The following TRPC5 variants were observed in gnomAD, a reference collection of about 807,000 sequenced individuals.
The protein encoded by TRPC5 is transient receptor potential cation channel subfamily C member 5, also known as short transient receptor potential channel 5.
A neutral mutation model predicts 56.5 loss-of-function variants in TRPC5; 9 were observed. The ratio of observed to expected loss-of-function variants is 0.16; its 90% CI spans 0.10 to 0.28. The LOEUF is 0.28. TRPC5 is among the 10% of genes least tolerant of loss of function. TRPC5 has a pLI of 1.00. For missense variants in TRPC5, 469 were observed against 748.9 expected (o/e 0.63, Z 4.36); for synonymous variants, 282 against 278.5 (o/e 1.01, Z -0.13).
chrX:111,874,917 T>C (rs1250402853), intron 3 of TRPC5, among the ~76,000 whole-genome samples: 1 of 112,584 alleles, frequency 8.9e-6, no homozygotes, highest in Non-Finnish European at 1.9e-5. Flanking sequence ...CTATGGGCCC[T>C]CTATAGAAAG....
At chrX:112,062,373 C>A (rs1930479266) in intron 1 of TRPC5, among the ~76,000 whole-genome samples, 1 of 111,245 alleles carries the variant, frequency 9.0e-6, no homozygotes, top group Non-Finnish European at 1.9e-5. Context: ...AAAAAAATGG[C>A]TAATAATTAT....
At position 111,975,986 on chromosome X, in the gene TRPC5, A is replaced by G. The variant is rs1421589284; in HGVS notation, c.-21-23545T>C. ...GATGAAGTAGAATTTATCCCTAAGA[A>G]AGGAGAATACAACATATACATATGA... On this transcript the variant is annotated intron_variant, in intron 1 of 10. Coordinates refer to ENST00000262839, the MANE Select transcript of TRPC5 (RefSeq NM_012471.3). Among the ~76,000 whole-genome samples the G allele has an allele frequency of 2.7e-5, 3 of 112,776 alleles. No individual in the cohort carries two copies. In the East Asian group the frequency reaches 8.3e-4, roughly 31 times the overall value.
chrX:111,953,477 C>G (rs1470920380), intron 1 of TRPC5, among the ~76,000 whole-genome samples: 1 of 111,748 alleles, frequency 8.9e-6, no homozygotes, highest in African/African-American at 3.3e-5. Flanking sequence ...AAAATTTATA[C>G]ACATTCCTCA....
chrX:112,073,636 G>T, intron 1 of TRPC5, among the ~76,000 whole-genome samples: 1 of 111,261 alleles, frequency 9.0e-6, no homozygotes. Flanking sequence ...TTTCTCTTGA[G>T]CTCCAGTGTC....
chrX:111,955,019 T>C (rs1178967274), intron 1 of TRPC5, among the ~76,000 whole-genome samples: 1 of 112,181 alleles, frequency 8.9e-6, no homozygotes, highest in Non-Finnish European at 1.9e-5. Flanking sequence ...AGCAGTACCA[T>C]TCATTGAACT....
chrX:111,921,644 G>A (rs181768694), intron 2 of TRPC5, among the ~76,000 whole-genome samples: 1 of 111,090 alleles, frequency 9.0e-6, no homozygotes, highest in East Asian at 2.8e-4. Context: ...GTGAGGAAGA[G>A]GGAAGGAAAT....
At chrX:112,010,317 A>C (rs751110143) in intron 1 of TRPC5, among the ~76,000 whole-genome samples, 8 of 112,251 alleles carry the variant, frequency 7.1e-5, no homozygotes, top group African/African-American at 2.3e-4. Context: ...GACCTTGGGC[A>C]AGTTACTTCA....
At chrX:111,954,923 C>T (rs925066465) in intron 1 of TRPC5, among the ~76,000 whole-genome samples, 8 of 112,018 alleles carry the variant, frequency 7.1e-5, no homozygotes, top group Admixed American at 2.9e-4. Context: ...GTTTTGAATA[C>T]TTAATGTGGC....
chrX:111,920,814 T>C (rs1356985111), intron 2 of TRPC5, among the ~76,000 whole-genome samples: 1 of 111,836 alleles, frequency 8.9e-6, no homozygotes, highest in Non-Finnish European at 1.9e-5. Flanking sequence ...GCTTGATTCC[T>C]ACTCCACTTT....
intron 1 of TRPC5, among the ~76,000 whole-genome samples, chrX:111,978,341 A>T (rs1927985054): frequency 9.0e-6 from 1 of 111,661 alleles, no homozygotes; most frequent in African/African-American, 3.2e-5. Flanking sequence ...ACAGAAATTG[A>T]AATACTACAT....
intron 3 of TRPC5, chrX:111,902,960 G>C (rs1413545280): frequency 8.9e-6 from 1 of 111,740 alleles, no homozygotes; most frequent in Non-Finnish European, 1.9e-5. Flanking sequence ...AGCCCTACAA[G>C]GACTATTCAC....
rs1467346328 is a variant in TRPC5, at chrX:111,944,299, T to TGAAAGA, written c.378+7743_378+7744insTCTTTC. 5.4e-4 allele frequency among the ~76,000 whole-genome samples: 48 copies of TGAAAGA among 89,077 alleles called. 1 individual carries two copies. Among genetic ancestry groups the TGAAAGA allele is most frequent in the African/African-American group, 2.1e-3 (42 of 19,823 alleles). 77.4% of individuals were successfully genotyped at this position (89,077 alleles called of 115,157 possible). ...GTGTGTGTGTGTGTGTGTGTGTGTG[T>TGAAAGA]GTGTGAGAGAGAGAGAGAGAGAGAG... On this transcript the variant is annotated intron_variant, in intron 2 of 10. Coordinates refer to ENST00000262839, the MANE Select transcript of TRPC5 (RefSeq NM_012471.3).
At chrX:112,042,044 C>G (rs1365058768) in intron 1 of TRPC5, among the ~76,000 whole-genome samples, 1 of 111,972 alleles carries the variant, frequency 8.9e-6, no homozygotes, top group Non-Finnish European at 1.9e-5. Flanking sequence ...GCTTAATTTG[C>G]ATGTCTCAAT....
chrX:112,049,793 G>A (rs35340782), intron 1 of TRPC5, among the ~76,000 whole-genome samples: 1,269 of 111,664 alleles, frequency 0.011, 9 homozygotes, highest in Middle Eastern at 0.018. Flanking sequence ...AGGGTGGTGG[G>A]AGGATTCTAC....
intron 1 of TRPC5, among the ~76,000 whole-genome samples, chrX:111,964,834 T>C (rs1468260527): frequency 9.0e-6 from 1 of 111,060 alleles, no homozygotes; most frequent in Non-Finnish European, 1.9e-5. Context: ...GCACTAAACA[T>C]GGAAAGGAAC....
chrX:111,932,804 T>C (rs758329682), intron 2 of TRPC5, among the ~76,000 whole-genome samples: 4 of 112,038 alleles, frequency 3.6e-5, no homozygotes, highest in Non-Finnish European at 7.5e-5. Context: ...CCTAGCCCAG[T>C]GTCCTGGATC....
chrX:111,804,646 C>A (rs1236115165), intron 7 of TRPC5, among the ~76,000 whole-genome samples: 7 of 111,225 alleles, frequency 6.3e-5, no homozygotes, highest in Non-Finnish European at 5.6e-5. Context: ...TGATTTGGCT[C>A]TCTGTTTGTC....
intron 1 of TRPC5, among the ~76,000 whole-genome samples, chrX:111,955,158 A>C (rs1927200283): frequency 8.9e-6 from 1 of 112,183 alleles, no homozygotes; most frequent in African/African-American, 3.2e-5. Context: ...TTTAATTTTC[A>C]TCTCTTGCAT....
At chrX:111,900,318 T>A (rs998367639) in intron 3 of TRPC5, among the ~76,000 whole-genome samples, 3 of 111,405 alleles carry the variant, frequency 2.7e-5, no homozygotes, top group African/African-American at 6.5e-5. Context: ...TGACTGGGAC[T>A]GGAGAAAGGA....
Sources: gnomAD v4.1 joint callset for allele counts (sites outside exome capture counted in the v4.1 genomes callset) on GRCh38, gnomAD v4.1.1 for gene constraint, MANE v1.5 for transcripts, NCBI Gene and HGNC (gene_info 2026-07-23, HGNC 2026-07-21) for gene names.